The following MAP3K7CL variants were observed in gnomAD, a reference collection of about 807,000 sequenced individuals.
The protein encoded by MAP3K7CL is MAP3K7 C-terminal like.
A neutral mutation model predicts 18.6 loss-of-function variants in MAP3K7CL; 16 were observed. The ratio of observed to expected loss-of-function variants is 0.86; its 90% confidence interval spans 0.58 to 1.31. The LOEUF (loss-of-function observed/expected upper bound fraction) is 1.31, where lower values mean the gene tolerates loss of function less well. Among genes scored for constraint, MAP3K7CL ranks in the 50% most tolerant of loss-of-function variants. The probability of loss-of-function intolerance (pLI) is 0.00; values close to 1 mark genes in which losing one functional copy is unlikely to be tolerated. For missense variants in MAP3K7CL, 163 were observed against 174.4 expected (o/e 0.93, Z 0.37); for synonymous variants, 65 against 66.8 (o/e 0.97, Z 0.13).
chr21:29,113,180 T>C lies in MAP3K7CL; in HGVS notation c.370+20599T>C, dbSNP rs140235655. Among the ~76,000 whole-genome samples the C allele has an allele frequency of 1.8e-3, 281 of 152,376 alleles. 1 individual carries two copies. The highest frequency in any genetic ancestry group is 6.3e-3 in the African/African-American group (262 of 41,600). On this transcript the variant is annotated intron_variant, in intron 4 of 6. Coordinates refer to the MAP3K7CL transcript ENST00000286791. ...TTTAAACTGGCAGGTGGTTTGGATA[T>C]AGGATTTTTGGATTGTGACCATTTT... is the stretch of plus-strand genomic sequence containing the variant.
Position 29,120,960 on chromosome 21 carries a change from G to A in MAP3K7CL, c.371-28229G>A, listed in dbSNP as rs1330733720. ...ATATACCTGTAGTTCCGGCTACTTGGGAGTCTGAGGTGGGAGCATCACTTG... is the reference window on the plus strand; with the variant it reads ...ATATACCTGTAGTTCCGGCTACTTGAGAGTCTGAGGTGGGAGCATCACTTG... On this transcript the variant is annotated intron_variant, in intron 4 of 6. Coordinates refer to the MAP3K7CL transcript ENST00000286791. 8.6e-5 allele frequency among the ~76,000 whole-genome samples: 13 copies of A among 150,352 alleles called. No homozygotes were observed. The South Asian group carries it at 2.7e-3, about 32-fold the overall frequency.
rs1280650686 is a variant in MAP3K7CL at position 29,175,223 on chromosome 21, C to A, written c.*331C>A. ...AAAAATAGACTATTGACTGACCCAG[C>A]TAAGAATCGTGGGCTGAGCAGAGTT... On this transcript the variant is annotated 3_prime_UTR_variant, in exon 5 of 5. Transcript: ENST00000399928. 1 of 172,188 alleles carries A rather than the reference C, an allele frequency of 5.8e-6. No homozygotes were observed. The highest frequency in any genetic ancestry group is 1.6e-4 in the South Asian group (1 of 6,358). 10.7% of individuals were successfully genotyped at this position (172,188 alleles called of 1,614,324 possible).
At chr21:29,160,158 G>A (rs2087512016) in intron 4 of MAP3K7CL, 102 bp downstream of exon 4, 2 of 789,804 alleles carry the variant, frequency 2.5e-6, no homozygotes, top group Non-Finnish European at 2.0e-6. Flanking sequence ...TGACAGGGAG[G>A]CAAGGGGGTT....
At chr21:29,087,555 A>G (rs2085945223) in intron 1 of MAP3K7CL, among the ~76,000 whole-genome samples, 1 of 148,096 alleles carries the variant, frequency 6.8e-6, no homozygotes, top group African/African-American at 2.5e-5. Context: ...TTTATGCAGG[A>G]TTTAACTGTA....
chr21:29,106,637 A>G (rs2086327890), intron 4 of MAP3K7CL, among the ~76,000 whole-genome samples: 1 of 152,208 alleles, frequency 6.6e-6, no homozygotes, highest in African/African-American at 2.4e-5. Context: ...TTTAAGGATC[A>G]GACATGAGTT....
chr21:29,103,838 G>A (rs974499761), intron 4 of MAP3K7CL, among the ~76,000 whole-genome samples: 2 of 151,996 alleles, frequency 1.3e-5, no homozygotes, highest in African/African-American at 4.8e-5. Flanking sequence ...GGTTGAGGCT[G>A]CAGTGAGCCA....
At chr21:29,151,228 C>A (rs1045713768) in intron 3 of MAP3K7CL, among the ~76,000 whole-genome samples, 6 of 151,480 alleles carry the variant, frequency 4.0e-5, no homozygotes, top group African/African-American at 1.2e-4. Context: ...GTAATCCCAG[C>A]ACTTTGGGAG....
intron 3 of MAP3K7CL, among the ~76,000 whole-genome samples, chr21:29,154,388 T>G (rs954514800): frequency 4.2e-4 from 37 of 88,208 alleles, no homozygotes; most frequent in African/African-American, 1.8e-3. Flanking sequence ...GAGAACAATA[T>G]GACTTTTTTT....
intron 4 of MAP3K7CL, chr21:29,109,286 A>AT: frequency 2.7e-6 from 4 of 1,499,460 alleles, no homozygotes; most frequent in Non-Finnish European, 3.6e-6. Flanking sequence ...TGTAATGCTT[A>AT]TTTTGTGCCC....
intron 2 of MAP3K7CL, among the ~76,000 whole-genome samples, chr21:29,148,633 A>G (rs1361565550): frequency 6.6e-6 from 1 of 152,130 alleles, no homozygotes; most frequent in Non-Finnish European, 1.5e-5. Context: ...TGCCTGGTGT[A>G]TTGGAAAGAA....
At chr21:29,078,829 C>A (rs918809662) in intron 1 of MAP3K7CL, among the ~76,000 whole-genome samples, 1 of 152,214 alleles carries the variant, frequency 6.6e-6, no homozygotes, top group African/African-American at 2.4e-5. Flanking sequence ...GTTGGTCCCA[C>A]AGCTCCACTT....
chr21:29,170,333 C>T lies in MAP3K7CL; in HGVS notation c.249-4379C>T, dbSNP rs888156755. Among the ~76,000 whole-genome samples, 9 of 152,274 alleles carry T rather than the reference C, an allele frequency of 5.9e-5. No homozygotes were observed. The East Asian group carries it at 1.7e-3, about 29-fold the overall frequency. On this transcript the variant is annotated intron_variant, in intron 4 of 4. Transcript: ENST00000399928. ...AAATTATTATTGACTTTCTCCAATGCAAGATCAGACTAGATAATTTAGACT... is the reference window on the plus strand; with the variant it reads ...AAATTATTATTGACTTTCTCCAATGTAAGATCAGACTAGATAATTTAGACT...
At chr21:29,116,681 G>A (rs1206875474) in intron 4 of MAP3K7CL, among the ~76,000 whole-genome samples, 2 of 152,010 alleles carry the variant, frequency 1.3e-5, no homozygotes, top group African/African-American at 4.8e-5. Flanking sequence ...TGATAAACAG[G>A]GAATGTCATT....
intron 4 of MAP3K7CL, among the ~76,000 whole-genome samples, chr21:29,123,929 G>T (rs1011456445): frequency 1.3e-5 from 2 of 152,142 alleles, no homozygotes; most frequent in East Asian, 3.8e-4. Context: ...GGTGCTGTTA[G>T]TCCTTCTAGG....
chr21:29,162,212 G>A (rs942594131), intron 4 of MAP3K7CL, among the ~76,000 whole-genome samples: 1 of 151,962 alleles, frequency 6.6e-6, no homozygotes, highest in Non-Finnish European at 1.5e-5. Flanking sequence ...AAGTGTGGTG[G>A]TATGATAGAA....
chr21:29,148,179 T>C (rs2087185736), intron 2 of MAP3K7CL, among the ~76,000 whole-genome samples: 1 of 152,036 alleles, frequency 6.6e-6, no homozygotes, highest in Non-Finnish European at 1.5e-5. Context: ...GTACTGTATG[T>C]ATATGTGTAC....
chr21:29,143,419 C>T (rs899698557), intron 2 of MAP3K7CL, among the ~76,000 whole-genome samples: 6 of 150,524 alleles, frequency 4.0e-5, no homozygotes, highest in Non-Finnish European at 7.4e-5. Flanking sequence ...AACCTAAACA[C>T]TTTTTTTTTC....
chr21:29,106,696 C>G (rs2086328744), intron 4 of MAP3K7CL, among the ~76,000 whole-genome samples: 1 of 152,216 alleles, frequency 6.6e-6, no homozygotes, highest in African/African-American at 2.4e-5. Flanking sequence ...TAGTCCCTCT[C>G]TAGCCTGATG....
intron 2 of MAP3K7CL, among the ~76,000 whole-genome samples, chr21:29,144,884 A>G (rs1034758442): frequency 6.6e-6 from 1 of 152,262 alleles, no homozygotes; most frequent in African/African-American, 2.4e-5. Flanking sequence ...TAGATGTTGA[A>G]AAGAGCCCAT....
Sources: allele counts gnomAD v4.1 joint callset (sites outside exome capture counted in the v4.1 genomes callset), GRCh38; gene constraint gnomAD v4.1.1; transcripts MANE v1.5; gene names NCBI Gene and HGNC (gene_info 2026-07-23, HGNC 2026-07-21).